RERE: variants seen among roughly 807,000 people sequenced by gnomAD.
RERE encodes arginine-glutamic acid dipeptide repeats protein.
A neutral mutation model predicts 146.1 loss-of-function variants in RERE; 40 were observed. That is an observed-to-expected ratio of 0.27 (90% CI 0.21 to 0.36). The LOEUF is 0.36. Among genes scored for constraint, RERE ranks in the 10% least tolerant of loss-of-function variants. RERE has a pLI of 1.00. For synonymous variants in RERE, 1,003 were observed against 866.0 expected (o/e 1.16, Z -2.78); for missense variants, 1,933 against 2,138.7 (o/e 0.90, Z 1.90).
chr1:8,474,769 T>C (rs1311096984), intron 10 of RERE, among the ~76,000 whole-genome samples: 4 of 152,346 alleles, frequency 2.6e-5, no homozygotes, highest in African/African-American at 9.6e-5. Flanking sequence ...GCATTGCATC[T>C]GGCAGTTTCT....
chr1:8,496,150 T>TAAAAAAAAAAAAAAAAAAAA (rs36115213), intron 9 of RERE, among the ~76,000 whole-genome samples: 11 of 118,418 alleles, frequency 9.3e-5, no homozygotes, highest in African/African-American at 3.7e-4. Context: ...GACCCTGTCT[T>TAAAAAAAAAAAAAAAAAAAA]AAAAAAAAAA....
chr1:8,434,885 G>A (rs997476950), intron 11 of RERE: 8 of 152,220 alleles, frequency 5.3e-5, no homozygotes, highest in Non-Finnish European at 1.0e-4. Flanking sequence ...AAACCTTCAA[G>A]ATGATTCCAA....
intron 10 of RERE, among the ~76,000 whole-genome samples, chr1:8,484,807 G>A (rs1884354): frequency 0.021 from 3,169 of 152,202 alleles, 95 homozygotes; most frequent in African/African-American, 0.073. Context: ...AAAGGAATAC[G>A]CCCAATGTTA....
At chr1:8,499,018 A>C (rs1570343440) in intron 8 of RERE, among the ~76,000 whole-genome samples, 1 of 152,140 alleles carries the variant, frequency 6.6e-6, no homozygotes, top group African/African-American at 2.4e-5. Context: ...CAAGACTGTA[A>C]GTGATCAGAT....
intron 10 of RERE, among the ~76,000 whole-genome samples, chr1:8,493,358 G>A (rs1645002443): frequency 1.3e-5 from 2 of 151,988 alleles, no homozygotes; most frequent in East Asian, 1.9e-4. Context: ...CTATCCTATC[G>A]AATCAGTGAC....
intron 1 of RERE, among the ~76,000 whole-genome samples, chr1:8,672,920 AAAAC>A (rs547314512): frequency 2.6e-5 from 4 of 152,346 alleles, no homozygotes; most frequent in East Asian, 1.9e-4. Flanking sequence ...TTCTATCTGC[AAAAC>A]AAACAAACAA....
chr1:8,749,315 G>A (rs1193162972), intron 1 of RERE, among the ~76,000 whole-genome samples: 1 of 151,898 alleles, frequency 6.6e-6, no homozygotes, highest in African/African-American at 2.4e-5. Context: ...ATTATATTCT[G>A]AGAATTATTC....
rs1458110182 is a variant in RERE at position 8,361,190 on chromosome 1, C to G, written c.2317G>C (p.Val773Leu). Residue 773 changes from valine (V) to leucine (L), a missense_variant, in exon 18 of 23, where the codon GTT becomes CTT. Physicochemically the swap from Val to Leu is conservative, Grantham distance 32. Transcript: ENST00000400908. ...TPGPTPSATA[V>L]PPQGSPTASQ... ...GCCGTGGGGGAGCCCTGTGGGGGAACTGCAGTGGCAGAGGGCGTGGGCCCT... is the reference window on the plus strand; with the variant it reads ...GCCGTGGGGGAGCCCTGTGGGGGAAGTGCAGTGGCAGAGGGCGTGGGCCCT... The G allele has an allele frequency of 6.8e-6, 10 of 1,477,508 alleles. No individual in the cohort carries two copies. The Admixed American group carries it at 1.0e-4, about 15-fold the overall frequency. 91.5% of individuals were successfully genotyped at this position (1,477,508 alleles called of 1,614,324 possible).
chr1:8,759,594 C>T (rs1480211885), intron 1 of RERE, among the ~76,000 whole-genome samples: 2 of 152,162 alleles, frequency 1.3e-5, no homozygotes, highest in African/African-American at 4.8e-5. Flanking sequence ...CGGTTTAGCA[C>T]AGTTTTTAAA....
intron 1 of RERE, among the ~76,000 whole-genome samples, chr1:8,658,755 C>CAA (rs569580732): frequency 2.5e-5 from 3 of 118,730 alleles, no homozygotes; most frequent in African/African-American, 6.2e-5. Flanking sequence ...GACTCCATCT[C>CAA]AAAAAAAAAA....
intron 4 of RERE, among the ~76,000 whole-genome samples, chr1:8,576,206 T>C (rs568495836): frequency 6.6e-6 from 1 of 151,566 alleles, no homozygotes; most frequent in African/African-American, 2.4e-5. Context: ...TATTCTCCAG[T>C]GGTTCTAGGG....
intron 1 of RERE, among the ~76,000 whole-genome samples, chr1:8,783,500 T>C (rs1211460241): frequency 6.6e-6 from 1 of 152,176 alleles, no homozygotes; most frequent in Non-Finnish European, 1.5e-5. Flanking sequence ...TTCTAGCCTG[T>C]TGTCCCAGTC....
intron 11 of RERE, among the ~76,000 whole-genome samples, chr1:8,429,580 A>T (rs1644065657): frequency 6.6e-6 from 1 of 152,218 alleles, no homozygotes; most frequent in Non-Finnish European, 1.5e-5. Context: ...AAAATGGCTA[A>T]AAGATACCTC....
chr1:8,440,703 T>C (rs921755713), intron 11 of RERE, among the ~76,000 whole-genome samples: 2 of 144,616 alleles, frequency 1.4e-5, no homozygotes, highest in East Asian at 2.0e-4. Context: ...CTGGCCAACA[T>C]GGTGAAACCT....
intron 10 of RERE, among the ~76,000 whole-genome samples, chr1:8,475,868 A>G (rs1298931832): frequency 1.3e-5 from 2 of 152,216 alleles, no homozygotes; most frequent in Non-Finnish European, 2.9e-5. Context: ...GGCCATTATC[A>G]TTTCAAATAA....
intron 12 of RERE, among the ~76,000 whole-genome samples, chr1:8,402,256 G>A (rs1479124523): frequency 6.6e-6 from 1 of 152,180 alleles, no homozygotes; most frequent in Non-Finnish European, 1.5e-5. Context: ...AAATGCAGTG[G>A]CCAAGTATAG....
chr1:8,626,765 C>T lies in RERE; in HGVS notation c.326-2385G>A, dbSNP rs6577508. On this transcript the variant is annotated intron_variant, in intron 2 of 22. Coordinates refer to ENST00000400908, the MANE Select transcript of RERE (RefSeq NM_001042681.2). ...AGTAATACTCTTGGTCTGTAATAGA[C>T]AGTGCTCCTGACCAAAATCAGCCAG... Among the ~76,000 whole-genome samples the T allele has an allele frequency of 4.6e-5, 7 of 152,294 alleles. No individual in the cohort carries two copies. The South Asian group carries it at 1.5e-3, about 32-fold the overall frequency.
chr1:8,604,601 G>GAA (rs1246034183), intron 4 of RERE, among the ~76,000 whole-genome samples: 3 of 76,930 alleles, frequency 3.9e-5, no homozygotes. Context: ...AGGAAGGAAG[G>GAA]GAGGGAGGGA....
chr1:8,504,861 AAAAT>A (rs1645230137), intron 8 of RERE, among the ~76,000 whole-genome samples: 1 of 152,204 alleles, frequency 6.6e-6, no homozygotes, highest in Admixed American at 6.5e-5. Flanking sequence ...TCAAAAAAAA[AAAAT>A]AAATGATCAG....
Sources: allele counts gnomAD v4.1 joint callset (sites outside exome capture counted in the v4.1 genomes callset), GRCh38; gene constraint gnomAD v4.1.1; transcripts MANE v1.5; gene names NCBI Gene and HGNC (gene_info 2026-07-23, HGNC 2026-07-21).